The following GRAMD1B variants were observed in gnomAD, a reference collection of about 807,000 sequenced individuals.
GRAMD1B encodes protein Aster-B.
In GRAMD1B, 37 loss-of-function variants were observed where a neutral mutation model predicts 99.7. The observed-to-expected ratio is 0.37, with a 90% confidence interval of 0.29 to 0.49. The LOEUF (loss-of-function observed/expected upper bound fraction) is 0.49. Among genes scored for constraint, GRAMD1B ranks in the 20% least tolerant of loss-of-function variants. The pLI is 0.98. For missense variants in GRAMD1B, 888 were observed against 1,009.2 expected (o/e 0.88, Z 1.63); for synonymous variants, 427 against 387.6 (o/e 1.10, Z -1.19).
chr11:123,361,382 G>A (rs1472025361), intron 1 of GRAMD1B, among the ~76,000 whole-genome samples: 4 of 152,114 alleles, frequency 2.6e-5, no homozygotes, highest in Non-Finnish European at 5.9e-5. Context: ...TGTGTCTTTG[G>A]GCTGCTGTTT....
At chr11:123,372,320 T>C (rs1946555700) in intron 1 of GRAMD1B, among the ~76,000 whole-genome samples, 1 of 152,232 alleles carries the variant, frequency 6.6e-6, no homozygotes, top group South Asian at 2.1e-4. Flanking sequence ...AACCTTTATA[T>C]GTTCCTGGCC....
At chr11:123,516,604 G>GA (rs993623198) in intron 2 of GRAMD1B, among the ~76,000 whole-genome samples, 4 of 152,016 alleles carry the variant, frequency 2.6e-5, no homozygotes, top group African/African-American at 9.7e-5. Flanking sequence ...GACTAATCAA[G>GA]AAATATCACA....
intron 8 of GRAMD1B, among the ~76,000 whole-genome samples, chr11:123,601,192 C>T (rs1478337449): frequency 1.3e-5 from 2 of 152,120 alleles, no homozygotes; most frequent in Non-Finnish European, 2.9e-5. Context: ...TGATGGGTCC[C>T]TCCCCAGTCA....
intron 1 of GRAMD1B, among the ~76,000 whole-genome samples, chr11:123,400,006 T>C (rs575440143): frequency 6.6e-6 from 1 of 152,320 alleles, no homozygotes; most frequent in South Asian, 2.1e-4. Flanking sequence ...TATGTCTTCT[T>C]TAGAGAAATG....
At chr11:123,369,949 A>G (rs80262353) in intron 1 of GRAMD1B, among the ~76,000 whole-genome samples, 1,750 of 152,120 alleles carry the variant, frequency 0.012, 30 homozygotes, top group African/African-American at 0.04. Context: ...CTTGGAGAAA[A>G]TGGGAAAACA....
At chr11:123,546,634 C>CGAG (rs891087893) in intron 2 of GRAMD1B, among the ~76,000 whole-genome samples, 5 of 152,026 alleles carry the variant, frequency 3.3e-5, no homozygotes, top group Non-Finnish European at 7.3e-5. Flanking sequence ...GGCCATTGGT[C>CGAG]GAGGAGAGAA....
chr11:123,581,735 CA>C (rs1231305419), intron 3 of GRAMD1B, among the ~76,000 whole-genome samples: 1 of 152,222 alleles, frequency 6.6e-6, no homozygotes, highest in African/African-American at 2.4e-5. Flanking sequence ...CCACGCTTTA[CA>C]AAAGAGCAAA....
intron 1 of GRAMD1B, among the ~76,000 whole-genome samples, chr11:123,422,803 C>A (rs1231826493): frequency 6.6e-6 from 1 of 152,190 alleles, no homozygotes; most frequent in Non-Finnish European, 1.5e-5. Context: ...ACGTTCAAAC[C>A]TTGACTAGGT....
chr11:123,542,721 T>C (rs1274108633), intron 2 of GRAMD1B, among the ~76,000 whole-genome samples: 2 of 152,192 alleles, frequency 1.3e-5, no homozygotes, highest in African/African-American at 2.4e-5. Context: ...GGCATGATCT[T>C]GGCTCATTGC....
intron 1 of GRAMD1B, among the ~76,000 whole-genome samples, chr11:123,447,835 A>G (rs1201152886): frequency 6.6e-6 from 1 of 152,122 alleles, no homozygotes; most frequent in Admixed American, 6.6e-5. Flanking sequence ...TTCTTTGGTT[A>G]TTTATGAGAT....
chr11:123,410,693 AAAG>A (rs1948016337), intron 1 of GRAMD1B, among the ~76,000 whole-genome samples: 1 of 152,148 alleles, frequency 6.6e-6, no homozygotes, highest in Admixed American at 6.5e-5. Context: ...GAGGAAAGAC[AAAG>A]AAGATCTAGA....
At position 123,430,281 on chromosome 11, in the gene GRAMD1B, G is replaced by GTC. The variant is rs1014143207; in HGVS notation, c.-503_-502dup. Reference sequence around the variant, plus strand: ...GCTTCCTCTCTCTCTCTCTCTCTCTGTCTCTCTCTCCCTTTCCCTCCTACC... The same window carrying GTC: ...GCTTCCTCTCTCTCTCTCTCTCTCTGTCTCTCTCTCTCCCTTTCCCTCCTACC... On this transcript the variant is annotated 5_prime_UTR_variant, in exon 1 of 20. Coordinates refer to ENST00000635736, the MANE Select transcript of GRAMD1B (RefSeq NM_001387025.1). 1 of 119,080 alleles carries GTC rather than the reference G, an allele frequency of 8.4e-6. No homozygotes were observed. Among genetic ancestry groups the GTC allele is most frequent in the Non-Finnish European group, 1.8e-5 (1 of 56,414 alleles). The allele number at this position is 119,080 out of a possible 1,614,324, so 7.4% of individuals were successfully genotyped here.
At chr11:123,566,361 G>A (rs1190179457) in intron 2 of GRAMD1B, among the ~76,000 whole-genome samples, 1 of 152,196 alleles carries the variant, frequency 6.6e-6, no homozygotes, top group African/African-American at 2.4e-5. Context: ...GGACCCAAGA[G>A]CTAGAAAAAG....
intron 1 of GRAMD1B, among the ~76,000 whole-genome samples, chr11:123,434,794 A>T (rs1349401816): frequency 6.6e-6 from 1 of 152,242 alleles, no homozygotes; most frequent in African/African-American, 2.4e-5. Flanking sequence ...TTTCCAAAAG[A>T]AAATAGAATT....
chr11:123,561,712 G>GCTCCTCTACCTCCTGCCT (rs1247617078), intron 2 of GRAMD1B, among the ~76,000 whole-genome samples: 1 of 152,284 alleles, frequency 6.6e-6, no homozygotes, highest in East Asian at 1.9e-4. Flanking sequence ...AGACCCCCTC[G>GCTCCTCTACCTCCTGCCT]CTCCTCTACC....
At chr11:123,614,698 G>T in intron 16 of GRAMD1B, 47 bp from the exon 17 acceptor site, 2 of 1,151,518 alleles carry the variant, frequency 1.7e-6, no homozygotes, top group Non-Finnish European at 2.6e-6. Context: ...AGCAGTTGTT[G>T]GACTTGTGGG....
chr11:123,556,163 T>C (rs1016121419), intron 2 of GRAMD1B, among the ~76,000 whole-genome samples: 10 of 152,258 alleles, frequency 6.6e-5, no homozygotes, highest in Non-Finnish European at 1.2e-4. Flanking sequence ...ATCTCCTAAA[T>C]GACTATGCTT....
At chr11:123,616,752 C>T (rs56252837) in intron 17 of GRAMD1B, among the ~76,000 whole-genome samples, 5,706 of 152,264 alleles carry the variant, frequency 0.037, 373 homozygotes, top group African/African-American at 0.13. Context: ...TCGACAACTG[C>T]GCAGGCTTCA....
chr11:123,544,247 C>T (rs921839595), intron 2 of GRAMD1B, among the ~76,000 whole-genome samples: 1 of 152,288 alleles, frequency 6.6e-6, no homozygotes, highest in East Asian at 1.9e-4. Context: ...TTATTTACTG[C>T]TCAATGTATG....
Sources: allele counts gnomAD v4.1 joint callset (sites outside exome capture counted in the v4.1 genomes callset), GRCh38; gene constraint gnomAD v4.1.1; transcripts MANE v1.5; gene names NCBI Gene and HGNC (gene_info 2026-07-23, HGNC 2026-07-21).